The following ENTREP3 variants were observed in gnomAD, a reference collection of about 807,000 sequenced individuals.
ENTREP3 encodes protein ENTREP3.
At chr1:155,248,491 A>G in the ENTREP3 span, 1 of 1,609,264 alleles carries the variant, frequency 6.2e-7, no homozygotes, top group Non-Finnish European at 8.5e-7. Context: ...GAAGAGAGAA[A>G]GGGAGACAGG....
At chr1:155,251,922 C>T in the ENTREP3 span, 4 of 1,422,632 alleles carry the variant, frequency 2.8e-6, no homozygotes, top group Non-Finnish European at 2.8e-6. Context: ...GGGAAGCGAG[C>T]AGGTCAGCAA....
At chr1:155,248,462 C>A in the ENTREP3 span, 1 of 1,613,622 alleles carries the variant, frequency 6.2e-7, no homozygotes, top group African/African-American at 1.3e-5. Context: ...GTATAAAGGT[C>A]CCTGAAGTCA....
chr1:155,253,694 G>A, the ENTREP3 span: 18 of 1,611,108 alleles, frequency 1.1e-5, no homozygotes, highest in East Asian at 2.2e-5. Context: ...AGATTATAGC[G>A]GCACAAATGG....
the ENTREP3 span, chr1:155,253,751 G>A: frequency 1.9e-6 from 3 of 1,607,756 alleles, no homozygotes; most frequent in Admixed American, 1.7e-5. Context: ...GGGAAAGGAG[G>A]AGAGGAGTCA....
chr1:155,253,574 C>G, the ENTREP3 span: 3 of 1,329,546 alleles, frequency 2.3e-6, no homozygotes, highest in South Asian at 1.3e-5. Context: ...TCAGCACACA[C>G]ACCCCTGCCC....
the ENTREP3 span, chr1:155,255,138 C>G: frequency 1.8e-6 from 1 of 570,386 alleles, no homozygotes; most frequent in Non-Finnish European, 3.1e-6. The surrounding 1 kb of genome is among the most constrained non-coding windows in gnomAD (Gnocchi z 5.6). Context: ...GATGAGGACG[C>G]GGGGGCACCG....
At chr1:155,253,895 A>G in the ENTREP3 span, 1 of 1,612,752 alleles carries the variant, frequency 6.2e-7, no homozygotes, top group African/African-American at 1.3e-5. Flanking sequence ...AGGTGGAGTT[A>G]GGGGCAACTT....
the ENTREP3 span, chr1:155,255,006 C>T: frequency 1.4e-6 from 1 of 727,460 alleles, no homozygotes; most frequent in South Asian, 1.8e-5. The surrounding 1 kb of genome is among the most constrained non-coding windows in gnomAD (Gnocchi z 5.6). Flanking sequence ...CTGGCTGGGT[C>T]CCCTGGGGCA....
At chr1:155,253,302 C>G in the ENTREP3 span, 1 of 251,144 alleles carries the variant, frequency 4.0e-6, no homozygotes, top group Non-Finnish European at 7.6e-6. Flanking sequence ...GCCTGGGCCT[C>G]TCAAAGTGCT....
chr1:155,251,104 T>C, the ENTREP3 span: 2 of 1,612,518 alleles, frequency 1.2e-6, no homozygotes, highest in African/African-American at 1.3e-5. Flanking sequence ...CCGTCTACAA[T>C]GGAGGCCACT....
chr1:155,250,380 G>C, the ENTREP3 span: 1 of 1,150,422 alleles, frequency 8.7e-7, no homozygotes, highest in South Asian at 1.3e-5. This position sits in a 1 kb window ranked among gnomAD's most constrained non-coding sequence, Gnocchi z 5.4. Flanking sequence ...TGGGGTGAGG[G>C]AACCTGAGCT....
At chr1:155,251,918 C>G in the ENTREP3 span, 1 of 1,423,006 alleles carries the variant, frequency 7.0e-7, no homozygotes, top group Non-Finnish European at 9.2e-7. Context: ...GCTGGGGAAG[C>G]GAGCAGGTCA....
At chr1:155,250,424 CGGGG>C in the ENTREP3 span, 5 of 468,710 alleles carry the variant, frequency 1.1e-5, no homozygotes, top group African/African-American at 2.3e-5. The surrounding 1 kb of genome is among the most constrained non-coding windows in gnomAD (Gnocchi z 5.4). Context: ...CTCGGGTGGG[CGGGG>C]CTGCGGCTGG....
the ENTREP3 span, chr1:155,248,510 G>C: frequency 0.018 from 28,341 of 1,593,632 alleles, 320 homozygotes; most frequent in Middle Eastern, 0.037. Context: ...GGGAGTGAGT[G>C]GAAGTGTTCT....
chr1:155,247,335 T>TGAC, the ENTREP3 span: 1 of 467,772 alleles, frequency 2.1e-6, no homozygotes. Context: ...CCCAAGGTCA[T>TGAC]GCAGCTAGAG....
At chr1:155,248,262 G>T in the ENTREP3 span, 4 of 1,601,556 alleles carry the variant, frequency 2.5e-6, no homozygotes, top group African/African-American at 1.3e-5. Flanking sequence ...TTGGGGGAAG[G>T]GCAGCGGGCT....
At chr1:155,247,370 GA>G in the ENTREP3 span, 7 of 485,962 alleles carry the variant, frequency 1.4e-5, no homozygotes, top group Non-Finnish European at 2.8e-5. Flanking sequence ...AGGCCACCTA[GA>G]TTTTTTGGAC....
At chr1:155,252,210 C>CTTT in the ENTREP3 span, 2 of 266,332 alleles carry the variant, frequency 7.5e-6, no homozygotes. Context: ...CTAGGACCTT[C>CTTT]TTTTTTTTTT....
chr1:155,253,299 C>A, the ENTREP3 span: 1 of 244,396 alleles, frequency 4.1e-6, no homozygotes, highest in Admixed American at 5.3e-5. Context: ...CCTGCCTGGG[C>A]CTCTCAAAGT....
Sources: allele counts gnomAD v4.1 joint callset, GRCh38; gene constraint gnomAD v4.1.1; non-coding constraint Gnocchi (gnomAD v3.1); transcripts MANE v1.5; gene names NCBI Gene and HGNC (gene_info 2026-07-23, HGNC 2026-07-21).